UCN3: variants seen among roughly 807,000 people sequenced by gnomAD.
UCN3 encodes the protein urocortin-3.
A neutral mutation model predicts 3.6 loss-of-function variants in UCN3; 3 were observed. That is an observed-to-expected ratio of 0.83 (90% CI 0.38 to 2.15). The LOEUF (loss-of-function observed/expected upper bound fraction) is 2.15. Among genes scored for constraint, UCN3 ranks in the 30% most tolerant of loss-of-function variants. The pLI is 0.06. For synonymous variants in UCN3, 100 were observed against 93.2 expected, an observed-to-expected ratio of 1.07 and a Z score of -0.42; for missense variants, 206 against 208.3, an observed-to-expected ratio of 0.99 and a Z score of 0.07.
intron 1 of UCN3, among the ~76,000 whole-genome samples, chr10:5,369,862 G>GCGC (rs1554811024): frequency 2.0e-5 from 2 of 99,512 alleles, no homozygotes; most frequent in African/African-American, 7.7e-5. Flanking sequence ...TATCCACGTG[G>GCGC]GTGTGTGTGT....
chr10:5,367,910 G>A lies in UCN3; in HGVS notation c.-7+2680G>A, dbSNP rs1488936397. Among the ~76,000 whole-genome samples the A allele has an allele frequency of 1.3e-5, 2 of 152,142 alleles. No individual in the cohort carries two copies. The highest frequency in any genetic ancestry group is 6.6e-5 in the Admixed American group (1 of 15,262). On this transcript the variant is annotated intron_variant, in intron 1 of 1. Transcript: ENST00000380433. This position sits in a 1 kb window ranked among gnomAD's most constrained non-coding sequence, Gnocchi z 4.3. ...GTGAGGAAGCAAAATAAACAAATGG[G>A]GTGGTGGGGCAGTGGGGAGAGAGCC...
Position 5,373,894 on chromosome 10 carries a change from C to T in UCN3, c.174C>T (p.Ser58=), listed in dbSNP as rs1564444848. Reference sequence around the variant, plus strand: ...ATGCATCCCTGCTGAGCAAGAGGAGCTTCCACTACCTGCGCAGCAGAGACG... The same window carrying T: ...ATGCATCCCTGCTGAGCAAGAGGAGTTTCCACTACCTGCGCAGCAGAGACG... ...WEDASLLSKR[S]FHYLRSRDAS... The change falls in exon 2 of 2, where the codon AGC becomes AGT. Residue 58 remains serine, a synonymous_variant. Transcript: ENST00000380433. The T allele has an allele frequency of 6.2e-7, 1 of 1,613,854 alleles. No homozygotes were observed. The highest frequency in any genetic ancestry group is 8.5e-7 in the Non-Finnish European group (1 of 1,179,938).
intron 1 of UCN3, among the ~76,000 whole-genome samples, chr10:5,369,881 G>GTGTC: frequency 2.0e-5 from 2 of 101,790 alleles, no homozygotes; most frequent in Non-Finnish European, 4.7e-5. Flanking sequence ...GTATATGTGT[G>GTGTC]TGTATATGTG....
In UCN3 at chr10:5,374,134, C is replaced by T; in HGVS notation, c.414C>T (p.Ala138=). 1 of 1,613,394 alleles carries T rather than the reference C, an allele frequency of 6.2e-7. No homozygotes were observed. Among genetic ancestry groups the T allele is most frequent in the Admixed American group, 1.7e-5 (1 of 59,970 alleles). ...TCATGAACCTCCTCTTCAACATCGC[C>T]AAGGCCAAGAACCTGCGTGCCCAGG... ...TNIMNLLFNI[A]KAKNLRAQAA... is the part of the protein sequence containing the mutation. The change falls in exon 2 of 2, where the codon GCC becomes GCT. Residue 138 remains alanine, a synonymous_variant. Coordinates refer to ENST00000380433, the MANE Select transcript of UCN3 (RefSeq NM_053049.4).
Position 5,374,131 on chromosome 10 carries a change from C to T in UCN3, c.411C>T (p.Ile137=), listed in dbSNP as rs141026391. 93 of 1,613,408 alleles carry T rather than the reference C, an allele frequency of 5.8e-5. No homozygotes were observed. The highest frequency in any genetic ancestry group is 5.3e-4 in the African/African-American group (40 of 74,778). Residue 137 remains isoleucine, a synonymous_variant, in exon 2 of 2, where the codon ATC becomes ATT. Transcript: ENST00000380433. ...PTNIMNLLFN[I]AKAKNLRAQA... The stretch of plus-strand genomic sequence containing the variant: ...ACATCATGAACCTCCTCTTCAACAT[C>T]GCCAAGGCCAAGAACCTGCGTGCCC...
At chr10:5,370,785 GTGTGTA>G (rs1831395889) in intron 1 of UCN3, among the ~76,000 whole-genome samples, 2 of 141,842 alleles carry the variant, frequency 1.4e-5, no homozygotes, top group African/African-American at 5.5e-5. Flanking sequence ...ATGCGTGTGT[GTGTGTA>G]TGCGTGTGTA....
rs76743643 is a variant in UCN3 at position 5,369,647 on chromosome 10, G to A, written c.-6-4068G>A. Among the ~76,000 whole-genome samples, 242 of 152,292 alleles carry A rather than the reference G, an allele frequency of 1.6e-3. 1 individual carries two copies. Among genetic ancestry groups the A allele is most frequent in the African/African-American group, 5.7e-3 (235 of 41,572 alleles). On this transcript the variant is annotated intron_variant, in intron 1 of 1. Coordinates refer to ENST00000380433, the MANE Select transcript of UCN3 (RefSeq NM_053049.4). ...CATAGGTTTGGACTATTTAAAGCGAGGATCATGTGTTTTCTCATAAATTAT... is the reference window on the plus strand; with the variant it reads ...CATAGGTTTGGACTATTTAAAGCGAAGATCATGTGTTTTCTCATAAATTAT...
intron 1 of UCN3, among the ~76,000 whole-genome samples, chr10:5,371,012 CATAT>C (rs1424084483): frequency 6.8e-6 from 1 of 147,002 alleles, no homozygotes; most frequent in Non-Finnish European, 1.5e-5. Context: ...CATATGTGTG[CATAT>C]ATATACGTGT....
At chr10:5,368,852 G>T (rs1475947710) in intron 1 of UCN3, among the ~76,000 whole-genome samples, 3 of 152,136 alleles carry the variant, frequency 2.0e-5, no homozygotes, top group Admixed American at 2.0e-4. Flanking sequence ...CACAGGGACG[G>T]TTAGTGCACC....
At position 5,366,653 on chromosome 10, in the gene UCN3, T is replaced by C. The variant is rs868980346; in HGVS notation, c.-7+1423T>C. Among the ~76,000 whole-genome samples the C allele has an allele frequency of 5.3e-5, 8 of 152,334 alleles. No individual in the cohort carries two copies. The Middle Eastern group carries it at 0.014, about 259-fold the overall frequency. On this transcript the variant is annotated intron_variant, in intron 1 of 1. Coordinates refer to ENST00000380433, the MANE Select transcript of UCN3 (RefSeq NM_053049.4). The surrounding 1 kb of genome is among the most constrained non-coding windows in gnomAD (Gnocchi z 4.2). ...GCCCCCAGCCACTCACACACTTTGATGGTGAAACCATCCAGGGTTGCAAAG... is the reference window on the plus strand; with the variant it reads ...GCCCCCAGCCACTCACACACTTTGACGGTGAAACCATCCAGGGTTGCAAAG...
chr10:5,370,813 G>GCA (rs1491513435), intron 1 of UCN3, among the ~76,000 whole-genome samples: 2 of 102,378 alleles, frequency 2.0e-5, no homozygotes, highest in African/African-American at 3.8e-5. Flanking sequence ...ATGTGTGTGT[G>GCA]CGTGTGTGTG....
chr10:5,371,074 GTGTA>G (rs1424855939), intron 1 of UCN3, among the ~76,000 whole-genome samples: 2 of 150,856 alleles, frequency 1.3e-5, no homozygotes, highest in Non-Finnish European at 2.9e-5. Context: ...CGTGTGAGGT[GTGTA>G]TGTGTGTGCA....
intron 1 of UCN3, among the ~76,000 whole-genome samples, chr10:5,372,207 G>T (rs1831439773): frequency 6.6e-6 from 1 of 152,202 alleles, no homozygotes; most frequent in African/African-American, 2.4e-5. Flanking sequence ...CAGGCAAAAA[G>T]GACTGACTGC....
chr10:5,370,915 A>ATATGTGTGTT (rs1564443816), intron 1 of UCN3, among the ~76,000 whole-genome samples: 1 of 100,920 alleles, frequency 9.9e-6, no homozygotes, highest in Non-Finnish European at 2.3e-5. Context: ...ATGCGTGTGT[A>ATATGTGTGTT]TATGCGTGTG....
chr10:5,374,033 G>A lies in UCN3; in HGVS notation c.313G>A (p.Gly105Arg), dbSNP rs1831467181. The A allele has an allele frequency of 1.2e-6, 2 of 1,612,404 alleles. No homozygotes were observed. The highest frequency in any genetic ancestry group is 1.7e-6 in the Non-Finnish European group (2 of 1,179,308). Residue 105 changes from glycine (G) to arginine (R), a missense_variant, in exon 2 of 2, where the codon GGA becomes AGA. Gly to Arg is a moderately radical substitution (Grantham distance 125). Transcript: ENST00000380433. ...YRYVSQAQPRGKPRQDTAKSP... is the reference protein window; with the variant it reads ...YRYVSQAQPRRKPRQDTAKSP... ...ATACGTGTCCCAAGCACAGCCCAGG[G>A]GAAAGCCACGCCAGGACACGGCCAA...
intron 1 of UCN3, among the ~76,000 whole-genome samples, chr10:5,372,222 T>C (rs943623826): frequency 6.6e-6 from 1 of 152,090 alleles, no homozygotes; most frequent in Non-Finnish European, 1.5e-5. Flanking sequence ...GACTGCAGAA[T>C]GGTGGGTTTG....
intron 1 of UCN3, among the ~76,000 whole-genome samples, chr10:5,371,819 G>A (rs6601953): frequency 0.35 from 53,714 of 152,140 alleles, 9,947 homozygotes; most frequent in South Asian, 0.54. Context: ...AAAAACTAAC[G>A]TAAGAAAAGG....
In UCN3 at chr10:5,374,384, T is replaced by C. The variant is rs1390778483; in HGVS notation, c.*178T>C. On this transcript the variant is annotated 3_prime_UTR_variant, in exon 2 of 2. Coordinates refer to ENST00000380433, the MANE Select transcript of UCN3 (RefSeq NM_053049.4). ...TCTGATCTCTTCTGGCCTTTGACCCTGTCTCCCTCCTGCTCTGTCTGTACA... is the reference window on the plus strand; with the variant it reads ...TCTGATCTCTTCTGGCCTTTGACCCCGTCTCCCTCCTGCTCTGTCTGTACA... The C allele has an allele frequency of 3.1e-6, 2 of 637,534 alleles. No homozygotes were observed. The highest frequency in any genetic ancestry group is 2.9e-5 in the Admixed American group (1 of 33,958). 39.5% of individuals were successfully genotyped at this position (637,534 alleles called of 1,614,324 possible). A position where few individuals can be genotyped will look rare whatever the true frequency, so the allele number is the denominator to read the frequency against.
rs564426663 is a variant in UCN3 at position 5,373,611 on chromosome 10, C to G, written c.-6-104C>G. On this transcript the variant is annotated intron_variant, in intron 1 of 1. Coordinates refer to ENST00000380433, the MANE Select transcript of UCN3 (RefSeq NM_053049.4). Reference sequence around the variant, plus strand: ...GTCTGGGGGTCATACTTGGAGAACCCTTGTAGTGGAACATTAACAACACCC... The same window carrying G: ...GTCTGGGGGTCATACTTGGAGAACCGTTGTAGTGGAACATTAACAACACCC... 55 of 1,507,100 alleles carry G rather than the reference C, an allele frequency of 3.6e-5. No homozygotes were observed. The African/African-American group carries it at 4.2e-4, about 11-fold the overall frequency. The allele number at this position is 1,507,100 out of a possible 1,614,324, so 93.4% of individuals were successfully genotyped here. A position where few individuals can be genotyped will look rare whatever the true frequency, so the allele number is the denominator to read the frequency against.
Sources: gnomAD v4.1 joint callset for allele counts (sites outside exome capture counted in the v4.1 genomes callset) on GRCh38, gnomAD v4.1.1 for gene constraint, Gnocchi (gnomAD v3.1) non-coding constraint, MANE v1.5 for transcripts, NCBI Gene and HGNC (gene_info 2026-07-23, HGNC 2026-07-21) for gene names.